Variants in MCTP1 observed in about 807,000 individuals in gnomAD.
MCTP1 encodes multiple C2 and transmembrane domain-containing protein 1.
MCTP1 carries 69 observed loss-of-function variants against 120.6 expected under a neutral mutation model. That is an observed-to-expected ratio of 0.57 (90% CI 0.47 to 0.70). The LOEUF is 0.70. MCTP1 is among the 30% of genes least tolerant of loss of function. MCTP1 has a pLI of 0.00. For missense variants in MCTP1, 1,203 were observed against 1,248.8 expected, an observed-to-expected ratio of 0.96 and a Z score of 0.55; for synonymous variants, 529 against 493.1, an observed-to-expected ratio of 1.07 and a Z score of -0.96.
At chr5:94,998,909 C>T (rs1833120973) in intron 2 of MCTP1, among the ~76,000 whole-genome samples, 1 of 152,152 alleles carries the variant, frequency 6.6e-6, no homozygotes, top group Admixed American at 6.6e-5. Flanking sequence ...GGCTTAAATG[C>T]CACTGTTTCC....
chr5:94,850,368 C>T (rs925069464), intron 17 of MCTP1, among the ~76,000 whole-genome samples: 7 of 152,170 alleles, frequency 4.6e-5, no homozygotes, highest in Non-Finnish European at 7.3e-5. Flanking sequence ...ATGCAAATAA[C>T]ACTGCTTACA....
chr5:94,897,216 C>A (rs1804252492), intron 10 of MCTP1, among the ~76,000 whole-genome samples: 1 of 150,486 alleles, frequency 6.6e-6, no homozygotes, highest in African/African-American at 2.5e-5. Context: ...GTGCGTGCCA[C>A]CAGGCCTGGC....
chr5:94,775,938 A>T (rs972161721), intron 19 of MCTP1, among the ~76,000 whole-genome samples: 1 of 146,716 alleles, frequency 6.8e-6, no homozygotes, highest in African/African-American at 2.5e-5. Context: ...TAAATATATT[A>T]ATATATATTA....
chr5:95,270,965 C>T (rs397826), intron 1 of MCTP1, among the ~76,000 whole-genome samples: 129,851 of 151,320 alleles, frequency 0.86, 55,855 homozygotes, highest in African/African-American at 0.92. Context: ...TTAACAAAAG[C>T]TAATTCAAAG....
At chr5:95,097,369 G>A (rs147554299) in intron 1 of MCTP1, among the ~76,000 whole-genome samples, 15 of 152,284 alleles carry the variant, frequency 9.9e-5, no homozygotes, top group East Asian at 7.7e-4. Flanking sequence ...AGAAAGAAGC[G>A]GATATGGCGA....
chr5:94,742,020 T>A (rs1765628830), intron 19 of MCTP1, among the ~76,000 whole-genome samples: 1 of 152,114 alleles, frequency 6.6e-6, no homozygotes, highest in Admixed American at 6.5e-5. Flanking sequence ...CCTACTTTAT[T>A]TCTAGAGTGT....
At chr5:94,863,652 C>A (rs757765851) in intron 17 of MCTP1, among the ~76,000 whole-genome samples, 9 of 151,814 alleles carry the variant, frequency 5.9e-5, no homozygotes, top group African/African-American at 2.2e-4. Flanking sequence ...GATGTCCTTA[C>A]GGTTTGTAAT....
At chr5:94,755,016 C>T (rs1462456750) in intron 19 of MCTP1, among the ~76,000 whole-genome samples, 3 of 152,294 alleles carry the variant, frequency 2.0e-5, no homozygotes, top group Non-Finnish European at 4.4e-5. Flanking sequence ...GTGTGTCATG[C>T]AGCCCCAGGG....
chr5:94,891,789 T>A (rs1266066510), intron 11 of MCTP1, among the ~76,000 whole-genome samples: 1 of 147,670 alleles, frequency 6.8e-6, no homozygotes, highest in Non-Finnish European at 1.5e-5. Context: ...TAAATAAATA[T>A]ATTGGTTTAA....
intron 19 of MCTP1, among the ~76,000 whole-genome samples, chr5:94,766,490 G>T (rs1209068338): frequency 1.3e-5 from 2 of 152,012 alleles, no homozygotes; most frequent in Admixed American, 6.5e-5. Context: ...CTTAGCCACA[G>T]GGTGGGGAAC....
chr5:95,202,809 C>A (rs1751216350), intron 1 of MCTP1, among the ~76,000 whole-genome samples: 1 of 152,074 alleles, frequency 6.6e-6, no homozygotes, highest in Non-Finnish European at 1.5e-5. Context: ...CTCACTGCAA[C>A]CACCGCCTCC....
Position 94,870,471 on chromosome 5 carries a change from T to A in MCTP1, c.2262A>T (p.Thr754=), listed in dbSNP as rs751058542. The change falls in exon 16 of 23, where the codon ACA becomes ACT. Residue 754 remains threonine, a synonymous_variant. Coordinates refer to ENST00000515393, the MANE Select transcript of MCTP1 (RefSeq NM_024717.7). The part of the protein sequence containing the change: ...IFNAVKASLR[T]LIPKEQKYIE... ...TGTACTTCTGTTCTTTGGGTATTAA[T>A]GTTCGTAAGCTGGCTTTCACCTATA... The A allele has an allele frequency of 6.2e-7, 1 of 1,611,826 alleles. No homozygotes were observed. Among genetic ancestry groups the A allele is most frequent in the South Asian group, 1.1e-5 (1 of 91,024 alleles).
intron 17 of MCTP1, among the ~76,000 whole-genome samples, chr5:94,817,939 C>A (rs148428042): frequency 6.6e-6 from 1 of 152,106 alleles, no homozygotes; most frequent in African/African-American, 2.4e-5. Flanking sequence ...CCTGGCTCTG[C>A]GTGGTGGACA....
chr5:94,869,646 T>G (rs1440852848), intron 16 of MCTP1, among the ~76,000 whole-genome samples: 4 of 152,048 alleles, frequency 2.6e-5, no homozygotes, highest in Non-Finnish European at 5.9e-5. Context: ...ATTACAAAAA[T>G]TATTAAATAT....
chr5:94,769,931 T>TA (rs1293377774), intron 19 of MCTP1, among the ~76,000 whole-genome samples: 1 of 152,220 alleles, frequency 6.6e-6, no homozygotes, highest in Non-Finnish European at 1.5e-5. Flanking sequence ...CTTTAATATT[T>TA]ACCTTTTTGT....
chr5:94,985,943 C>A (rs73138008), intron 2 of MCTP1, among the ~76,000 whole-genome samples: 42 of 152,218 alleles, frequency 2.8e-4, no homozygotes, highest in Admixed American at 1.2e-3. Flanking sequence ...TTAAAGTGAG[C>A]TTTTCTTACT....
At chr5:95,040,700 G>A (rs1383029538) in intron 1 of MCTP1, among the ~76,000 whole-genome samples, 2 of 152,052 alleles carry the variant, frequency 1.3e-5, no homozygotes, top group East Asian at 3.9e-4. Flanking sequence ...CCCCTAGCTC[G>A]AGGGGTGGAA....
chr5:95,224,658 C>T (rs375790227), intron 1 of MCTP1, among the ~76,000 whole-genome samples: 2 of 152,110 alleles, frequency 1.3e-5, no homozygotes, highest in East Asian at 1.9e-4. Context: ...TAGGAATGCA[C>T]CACCACATTC....
In MCTP1 at chr5:95,283,938, GGCTCCAGCAGCT is replaced by G. The variant is rs1249167678; in HGVS notation, c.626_637del (p.Gln209_Glu212del). ...CGCCGGCTCTGCGGGAGGAGGCGGC[GGCTCCAGCAGCT>G]GCTCCAGGCAGGCGGTGCCCGGCAG... On this transcript the variant is annotated inframe_deletion, in exon 1 of 23. Coordinates refer to ENST00000515393, the MANE Select transcript of MCTP1 (RefSeq NM_024717.7). 12 of 1,403,174 alleles carry G rather than the reference GGCTCCAGCAGCT, an allele frequency of 8.6e-6. No individual in the cohort carries two copies. The East Asian group carries it at 3.5e-4, about 41-fold the overall frequency. 86.9% of individuals were successfully genotyped at this position (1,403,174 alleles called of 1,614,324 possible).
Sources: allele counts gnomAD v4.1 joint callset (sites outside exome capture counted in the v4.1 genomes callset), GRCh38; gene constraint gnomAD v4.1.1; transcripts MANE v1.5; gene names NCBI Gene and HGNC (gene_info 2026-07-23, HGNC 2026-07-21).